The following RANBP2 variants were observed in gnomAD, a reference collection of about 807,000 sequenced individuals.
The protein encoded by RANBP2 is RAN binding protein 2.
A neutral mutation model predicts 303.6 loss-of-function variants in RANBP2; 57 were observed. The ratio of observed to expected loss-of-function variants is 0.19; its 90% CI spans 0.15 to 0.23. The LOEUF (loss-of-function observed/expected upper bound fraction) is 0.23. RANBP2 is among the 10% of genes least tolerant of loss of function. RANBP2 has a pLI of 1.00. For synonymous variants in RANBP2, 1,167 were observed against 1,301.5 expected (o/e 0.90, Z 2.23); for missense variants, 3,138 against 3,780.8 (o/e 0.83, Z 4.46).
the RANBP2 span, among the ~76,000 whole-genome samples, chr2:109,425,966 T>C: frequency 6.6e-6 from 1 of 152,192 alleles, no homozygotes; most frequent in Non-Finnish European, 1.5e-5. Flanking sequence ...GGCATGATCT[T>C]GGCTCACTGC....
chr2:109,564,069 G>A, the RANBP2 span: 3 of 296,964 alleles, frequency 1.0e-5, no homozygotes, highest in East Asian at 5.6e-5. Flanking sequence ...CAAATAATGA[G>A]GGTATTTTCC....
the RANBP2 span, among the ~76,000 whole-genome samples, chr2:109,241,633 ACT>A: frequency 6.6e-6 from 1 of 150,420 alleles, no homozygotes; most frequent in Non-Finnish European, 1.5e-5. Context: ...GGCCCCTGGG[ACT>A]CTCTGTCTCC....
chr2:109,045,433 A>G, the RANBP2 span, among the ~76,000 whole-genome samples: 1 of 152,208 alleles, frequency 6.6e-6, no homozygotes, highest in Non-Finnish European at 1.5e-5. Context: ...CCAGCGAGGA[A>G]GGGCTTTAAT....
chr2:109,034,715 A>T, the RANBP2 span, among the ~76,000 whole-genome samples: 2 of 152,196 alleles, frequency 1.3e-5, no homozygotes, highest in African/African-American at 4.8e-5. Context: ...GCCTTCTGGG[A>T]TGAATGAGGG....
chr2:108,940,012 T>C, the RANBP2 span, among the ~76,000 whole-genome samples: 1 of 152,242 alleles, frequency 6.6e-6, no homozygotes, highest in African/African-American at 2.4e-5. Flanking sequence ...TCCTTAATCA[T>C]TGAAAGACAC....
chr2:109,208,968 G>A, the RANBP2 span, among the ~76,000 whole-genome samples: 12 of 152,352 alleles, frequency 7.9e-5, no homozygotes, highest in African/African-American at 2.9e-4. Context: ...GCCATGGGCA[G>A]GTGGGGTTCA....
chr2:109,620,130 T>C, the RANBP2 span, among the ~76,000 whole-genome samples: 4 of 152,356 alleles, frequency 2.6e-5, no homozygotes, highest in East Asian at 7.7e-4. Context: ...GTTCTACCCT[T>C]GCACAGTGCC....
chr2:108,746,141 C>CAAGCG lies in RANBP2; in HGVS notation c.976-568_976-564dup, dbSNP rs1459361960. On this transcript the variant is annotated intron_variant, in intron 7 of 28. Coordinates refer to ENST00000283195, the MANE Select transcript of RANBP2 (RefSeq NM_006267.5). ...TCAGGCTGTTCTTGAACTCTGGGCT[C>CAAGCG]AAGCGATCCCCCCACCTTGGCCTTC... Among the ~76,000 whole-genome samples, 26 of 150,572 alleles carry CAAGCG rather than the reference C, an allele frequency of 1.7e-4. 1 individual carries two copies. Among genetic ancestry groups the CAAGCG allele is most frequent in the Non-Finnish European group, 7.4e-5 (5 of 67,796 alleles).
the RANBP2 span, among the ~76,000 whole-genome samples, chr2:108,968,409 G>A: frequency 6.6e-6 from 1 of 152,090 alleles, no homozygotes; most frequent in Admixed American, 6.5e-5. Flanking sequence ...TTGAAGTTTT[G>A]CAAACCAGGG....
At chr2:109,063,664 A>G in the RANBP2 span, among the ~76,000 whole-genome samples, 16 of 152,304 alleles carry the variant, frequency 1.1e-4, no homozygotes, top group Non-Finnish European at 2.2e-4. Context: ...CAAGAGATAC[A>G]GATACCCATG....
At chr2:109,215,509 T>C in the RANBP2 span, among the ~76,000 whole-genome samples, 1 of 152,042 alleles carries the variant, frequency 6.6e-6, no homozygotes, top group East Asian at 1.9e-4. Context: ...TTCAGCAGTG[T>C]GTACTCGGAG....
the RANBP2 span, among the ~76,000 whole-genome samples, chr2:109,261,882 T>C: frequency 4.6e-5 from 7 of 152,034 alleles, no homozygotes; most frequent in Non-Finnish European, 8.8e-5. Context: ...TTAATTGGGC[T>C]CTCTGCTGAT....
the RANBP2 span, among the ~76,000 whole-genome samples, chr2:109,663,181 A>G: frequency 6.6e-6 from 1 of 152,180 alleles, no homozygotes; most frequent in Non-Finnish European, 1.5e-5. Context: ...TCATTCTATC[A>G]AAATCCTATT....
chr2:108,852,602 G>A, the RANBP2 span, among the ~76,000 whole-genome samples: 1 of 152,240 alleles, frequency 6.6e-6, no homozygotes, highest in Non-Finnish European at 1.5e-5. Flanking sequence ...TCCTTTGCAG[G>A]GACATGGATG....
At chr2:108,908,056 G>T in the RANBP2 span, 57 of 1,573,256 alleles carry the variant, frequency 3.6e-5, no homozygotes, top group Non-Finnish European at 4.7e-5. Context: ...AGCAGTGCCT[G>T]GGGGGGCTGC....
chr2:109,304,710 G>A, the RANBP2 span, among the ~76,000 whole-genome samples: 1 of 152,218 alleles, frequency 6.6e-6, no homozygotes, highest in Non-Finnish European at 1.5e-5. Context: ...AGTGCTTGGT[G>A]CTAGTGACCA....
At chr2:109,449,194 A>G in the RANBP2 span, 2 of 1,613,508 alleles carry the variant, frequency 1.2e-6, no homozygotes, top group Non-Finnish European at 1.7e-6. Context: ...GCCCAGGCTC[A>G]GGACCGGCCA....
At chr2:109,669,035 A>T in the RANBP2 span, among the ~76,000 whole-genome samples, 1 of 152,220 alleles carries the variant, frequency 6.6e-6, no homozygotes, top group Admixed American at 6.5e-5. Flanking sequence ...AATGAAAGGG[A>T]ATAGAGGACC....
the RANBP2 span, among the ~76,000 whole-genome samples, chr2:109,676,186 C>A: frequency 3.9e-5 from 6 of 152,208 alleles, no homozygotes; most frequent in Admixed American, 2.6e-4. Context: ...CATACCCATG[C>A]GCTGGGAGAA....
Sources: gnomAD v4.1 joint callset for allele counts (sites outside exome capture counted in the v4.1 genomes callset) on GRCh38, gnomAD v4.1.1 for gene constraint, MANE v1.5 for transcripts, NCBI Gene and HGNC (gene_info 2026-07-23, HGNC 2026-07-21) for gene names.